CCDC181: variants seen among roughly 807,000 people sequenced by gnomAD.
The protein encoded by CCDC181 is coiled-coil domain-containing protein 181.
A neutral mutation model predicts 58.7 loss-of-function variants in CCDC181; 35 were observed. The observed-to-expected ratio is 0.60, with a 90% CI of 0.46 to 0.79. The LOEUF (loss-of-function observed/expected upper bound fraction) is 0.79, where lower values mean the gene tolerates loss of function less well. Among genes scored for constraint, CCDC181 ranks in the 30% least tolerant of loss-of-function variants. The pLI, the probability that CCDC181 is intolerant of heterozygous loss-of-function variation, is 0.00. For synonymous variants in CCDC181, 183 were observed against 197.5 expected, an observed-to-expected ratio of 0.93 and a Z score of 0.62; for missense variants, 517 against 583.9, an observed-to-expected ratio of 0.89 and a Z score of 1.18.
At chr1:169,445,036 AC>A (rs1035672603) in intron 2 of CCDC181, among the ~76,000 whole-genome samples, 1 of 152,102 alleles carries the variant, frequency 6.6e-6, no homozygotes, top group African/African-American at 2.4e-5. Flanking sequence ...CTCACCTCCT[AC>A]CACTTTCCAG....
In CCDC181 at chr1:169,442,883, A is replaced by C. The variant is rs553635563; in HGVS notation, c.-24+16914T>G. The C allele has an allele frequency of 3.9e-5, 6 of 152,092 alleles. No individual in the cohort carries two copies. The South Asian group carries it at 6.2e-4, about 16-fold the overall frequency. 9.4% of individuals were successfully genotyped at this position (152,092 alleles called of 1,614,324 possible). ...GTTCTGGTAGTGAGATTGAACTTTTAAATATTGTAGTCAGGTTAAAGGTTA... is the reference window on the plus strand; with the variant it reads ...GTTCTGGTAGTGAGATTGAACTTTTCAATATTGTAGTCAGGTTAAAGGTTA... On this transcript the variant is annotated intron_variant, in intron 2 of 6. Transcript: ENST00000545005.
Position 169,422,260 on chromosome 1 carries a change from T to C in CCDC181, c.171A>G (p.Thr57=). 6.2e-7 allele frequency: 1 copy of C among 1,601,176 alleles called. No homozygotes were observed. The highest frequency in any genetic ancestry group is 8.5e-7 in the Non-Finnish European group (1 of 1,170,292). The change falls in exon 3 of 6, where the codon ACA becomes ACG. Residue 57 remains threonine (T), a synonymous_variant. Coordinates refer to ENST00000367806, the MANE Select transcript of CCDC181 (RefSeq NM_001300969.2). Reference sequence around the variant, plus strand: ...AATGCCGTTTGGTGTGCTCCATTACTGTCTCATTCTCTTTTAAGTCTTGGT... The same window carrying C: ...AATGCCGTTTGGTGTGCTCCATTACCGTCTCATTCTCTTTTAAGTCTTGGT... ...NINQDLKENE[T]VMEHTKRHSD...
chr1:169,395,147 G>A lies in CCDC181; in HGVS notation c.1430C>T (p.Thr477Ile), dbSNP rs201318451. Residue 477 changes from threonine (T) to isoleucine (I), a missense_variant, in exon 6 of 6, where the codon ACT (threonine) becomes ATT (isoleucine). Coordinates refer to ENST00000367806, the MANE Select transcript of CCDC181 (RefSeq NM_001300969.2). Reference protein sequence around the residue: ...MAEQQAVRERTRQLRLEAKRS... With the variant: ...MAEQQAVRERIRQLRLEAKRS... ...CTTAGCTTCTAGTCGGAGCTGTCTA[G>A]TTCTCTCTCTGACAGCTTGTTGCTC... The A allele has an allele frequency of 8.7e-6, 14 of 1,613,276 alleles. No homozygotes were observed. Among genetic ancestry groups the A allele is most frequent in the African/African-American group, 1.3e-5 (1 of 74,888 alleles).
chr1:169,410,546 T>A (rs1655910357), intron 4 of CCDC181, among the ~76,000 whole-genome samples: 1 of 152,200 alleles, frequency 6.6e-6, no homozygotes, highest in African/African-American at 2.4e-5. Flanking sequence ...GCGGACCTAA[T>A]AGACATCTAT....
At chr1:169,458,915 C>T (rs188364318) in intron 2 of CCDC181, among the ~76,000 whole-genome samples, 95 of 151,790 alleles carry the variant, frequency 6.3e-4, no homozygotes, top group East Asian at 2.1e-3. Context: ...GTCCACCAAA[C>T]GTCCTATTAA....
upstream of CCDC181, among the ~76,000 whole-genome samples, chr1:169,430,451 T>C (rs1656886065): frequency 6.6e-6 from 1 of 152,212 alleles, no homozygotes; most frequent in African/African-American, 2.4e-5. Context: ...TTTGTTTGTG[T>C]CATCTATGAT....
intron 4 of CCDC181, among the ~76,000 whole-genome samples, chr1:169,415,406 C>T (rs1656168238): frequency 6.6e-6 from 1 of 152,142 alleles, no homozygotes; most frequent in Non-Finnish European, 1.5e-5. Context: ...CTCTGTAATT[C>T]CTACTCAATG....
chr1:169,453,726 C>CT (rs35290206), intron 2 of CCDC181, among the ~76,000 whole-genome samples: 3,673 of 134,888 alleles, frequency 0.027, 123 homozygotes, highest in African/African-American at 0.083. Flanking sequence ...ACACATAATT[C>CT]TTTTTTTTTT....
At chr1:169,397,485 TC>T in intron 4 of CCDC181, 94 bp from the exon 5 acceptor site, 1 of 1,139,870 alleles carries the variant, frequency 8.8e-7, no homozygotes. Flanking sequence ...TATTTCCTAC[TC>T]TTCAATTTTT....
rs190026450 is a variant in CCDC181, at chr1:169,421,669, C to T, written c.762G>A (p.Gln254=). The T allele has an allele frequency of 1.2e-6, 2 of 1,614,106 alleles. No homozygotes were observed. ...NANSTENDPQ[Q]LLPRSSNSSV... ...AGGAGTTGGAAGATCTGGGTAACAA[C>T]TGCTGAGGGTCATTTTCTGTACTAT... Residue 254 remains glutamine, a synonymous_variant, in exon 3 of 6, where the codon CAG becomes CAA. Coordinates refer to ENST00000367806, the MANE Select transcript of CCDC181 (RefSeq NM_001300969.2).
intron 2 of CCDC181, among the ~76,000 whole-genome samples, chr1:169,454,086 A>G (rs1657621082): frequency 6.6e-6 from 1 of 152,042 alleles, no homozygotes; most frequent in Non-Finnish European, 1.5e-5. Context: ...ACTTTTTCCC[A>G]TTTTTAGAAT....
chr1:169,406,054 C>T (rs963296091), intron 4 of CCDC181, among the ~76,000 whole-genome samples: 5 of 152,226 alleles, frequency 3.3e-5, no homozygotes, highest in Admixed American at 3.3e-4. Flanking sequence ...AAAGGCTCAT[C>T]ATCACTGGCC....
chr1:169,456,877 A>C (rs1441235398), intron 2 of CCDC181, among the ~76,000 whole-genome samples: 1 of 152,120 alleles, frequency 6.6e-6, no homozygotes, highest in African/African-American at 2.4e-5. Context: ...TTATCCTTTT[A>C]TCTCATCCTC....
chr1:169,402,173 C>T (rs1012453441), intron 4 of CCDC181, among the ~76,000 whole-genome samples: 11 of 152,162 alleles, frequency 7.2e-5, no homozygotes, highest in African/African-American at 1.4e-4. Flanking sequence ...ACCAAATCTA[C>T]GTCTGATTGG....
intron 4 of CCDC181, among the ~76,000 whole-genome samples, chr1:169,405,142 G>T (rs1469463294): frequency 1.2e-4 from 18 of 152,130 alleles, no homozygotes; most frequent in Admixed American, 2.0e-4. Context: ...ACAAACCACT[G>T]CTCAATGAAA....
At chr1:169,416,658 CTGA>C (rs1656228021) in intron 4 of CCDC181, among the ~76,000 whole-genome samples, 1 of 152,150 alleles carries the variant, frequency 6.6e-6, no homozygotes, top group Non-Finnish European at 1.5e-5. Context: ...TATCTACTTA[CTGA>C]TGTGATGAAT....
chr1:169,449,345 C>A (rs1170033232), intron 2 of CCDC181, among the ~76,000 whole-genome samples: 2 of 152,166 alleles, frequency 1.3e-5, no homozygotes, highest in African/African-American at 2.4e-5. Flanking sequence ...ATGCCATAAG[C>A]TTCCAATTTC....
At chr1:169,432,646 AC>A (rs1412264592) in intron 2 of CCDC181, among the ~76,000 whole-genome samples, 4 of 152,152 alleles carry the variant, frequency 2.6e-5, no homozygotes, top group Non-Finnish European at 5.9e-5. Flanking sequence ...TTACAAAGAT[AC>A]TGCACCATGG....
rs138734118 is a variant in CCDC181, at chr1:169,455,186, T to C, written c.-24+4611A>G. ...TGTCTATTGACAGGAAAATGAATATTTGGGTTTTTTCAAGGCTCGTATGTT... is the reference window on the plus strand; with the variant it reads ...TGTCTATTGACAGGAAAATGAATATCTGGGTTTTTTCAAGGCTCGTATGTT... On this transcript the variant is annotated intron_variant, in intron 2 of 6. Transcript: ENST00000545005. Among the ~76,000 whole-genome samples, 901 of 152,058 alleles carry C rather than the reference T, an allele frequency of 5.9e-3. 10 individuals are homozygous for C. The highest frequency in any genetic ancestry group is 0.021 in the African/African-American group (860 of 41,548).
Sources: allele counts gnomAD v4.1 joint callset (sites outside exome capture counted in the v4.1 genomes callset), GRCh38; gene constraint gnomAD v4.1.1; transcripts MANE v1.5; gene names NCBI Gene and HGNC (gene_info 2026-07-23, HGNC 2026-07-21).